The following APOOL variants were observed in gnomAD, a reference collection of about 807,000 sequenced individuals.
APOOL encodes apolipoprotein O like.
A neutral mutation model predicts 23.1 loss-of-function variants in APOOL; 12 were observed. The observed-to-expected ratio is 0.52, with a 90% CI of 0.33 to 0.84. The LOEUF (loss-of-function observed/expected upper bound fraction) is 0.84, where lower values mean the gene tolerates loss of function less well. Ranked by LOEUF, APOOL falls within the 40% of genes least tolerant of loss-of-function variation. The pLI is 0.02. For synonymous variants in APOOL, 77 were observed against 69.9 expected (o/e 1.10, Z -0.51); for missense variants, 212 against 199.6 (o/e 1.06, Z -0.37).
chrX:85,080,988 C>G (rs1924074681), intron 8 of APOOL, among the ~76,000 whole-genome samples: 1 of 111,098 alleles, frequency 9.0e-6, no homozygotes, highest in Admixed American at 9.6e-5. Flanking sequence ...ATGTGTGTCT[C>G]TGCATGTGAG....
intron 1 of APOOL, among the ~76,000 whole-genome samples, chrX:85,031,356 C>A (rs964800651): frequency 9.0e-6 from 1 of 110,975 alleles, no homozygotes; most frequent in Non-Finnish European, 1.9e-5. Context: ...GTTTTAAGGT[C>A]CTTAGTCGTG....
chrX:85,068,982 T>C (rs189181376), intron 6 of APOOL, among the ~76,000 whole-genome samples: 1 of 111,480 alleles, frequency 9.0e-6, no homozygotes, highest in Non-Finnish European at 1.9e-5. Flanking sequence ...AAATAAAGTA[T>C]TAAACTGAAT....
intron 5 of APOOL, among the ~76,000 whole-genome samples, chrX:85,059,454 C>T (rs1360488945): frequency 3.6e-5 from 4 of 110,630 alleles, no homozygotes; most frequent in Admixed American, 1.9e-4. Context: ...AATCGCCACA[C>T]TGACTTCCAC....
chrX:85,077,989 A>G (rs1923926046), intron 8 of APOOL, among the ~76,000 whole-genome samples: 1 of 110,873 alleles, frequency 9.0e-6, no homozygotes, highest in African/African-American at 3.3e-5. Context: ...CTGGATATTA[A>G]CCCTTTGTCA....
At chrX:85,033,214 G>T (rs1922102849) in intron 1 of APOOL, among the ~76,000 whole-genome samples, 1 of 112,081 alleles carries the variant, frequency 8.9e-6, no homozygotes, top group African/African-American at 3.2e-5. Context: ...TGGTATTTGT[G>T]TTCTTTACTT....
At chrX:85,061,174 G>A (rs1006356707) in intron 5 of APOOL, among the ~76,000 whole-genome samples, 9 of 111,358 alleles carry the variant, frequency 8.1e-5, no homozygotes, top group South Asian at 7.7e-4. Context: ...TTTGTATGCC[G>A]GATTACATTT....
At chrX:85,059,761 G>C (rs1378708202) in intron 5 of APOOL, among the ~76,000 whole-genome samples, 1 of 111,222 alleles carries the variant, frequency 9.0e-6, no homozygotes, top group African/African-American at 3.3e-5. Context: ...TGAGTTCATT[G>C]TAGAGTCTGG....
chrX:85,083,968 A>C (rs2147669378), intron 8 of APOOL, among the ~76,000 whole-genome samples: 1 of 111,107 alleles, frequency 9.0e-6, no homozygotes, highest in East Asian at 2.8e-4. Context: ...CAAACGTATA[A>C]AATTGCAAAG....
intron 1 of APOOL, among the ~76,000 whole-genome samples, chrX:85,043,839 G>A (rs1446469867): frequency 8.0e-5 from 9 of 112,014 alleles, no homozygotes; most frequent in Non-Finnish European, 1.3e-4. Flanking sequence ...AATAAGCAGA[G>A]CCACTTAATT....
In APOOL at chrX:85,074,081, G is replaced by T. The variant is rs778942613; in HGVS notation, c.570G>T (p.Glu190Asp). 4.2e-5 allele frequency: 49 copies of T among 1,166,856 alleles called. No individual in the cohort carries two copies. The highest frequency in any genetic ancestry group is 5.3e-5 in the Non-Finnish European group (46 of 873,293). ...KSLWTKSSKE[E>D]SLPKPKEKTK... is the part of the protein sequence containing the mutation. ...TGTGGACAAAAAGCAGCAAAGAAGAGTCACTCCCTAAACCTAAAGAAAAAA... is the reference window on the plus strand; with the variant it reads ...TGTGGACAAAAAGCAGCAAAGAAGATTCACTCCCTAAACCTAAAGAAAAAA... Residue 190 changes from glutamate to aspartate, a missense_variant, in exon 7 of 9, where the codon GAG becomes GAT. By Grantham distance (45) the Glu-to-Asp change is conservative. Transcript: ENST00000373173.
intron 5 of APOOL, among the ~76,000 whole-genome samples, chrX:85,064,341 T>C (rs887179458): frequency 2.3e-5 from 2 of 85,272 alleles, no homozygotes; most frequent in African/African-American, 1.3e-4. Context: ...AGCTCCTGGA[T>C]TTTTTTTTTT....
chrX:85,043,371 T>C (rs1159779259), intron 1 of APOOL, among the ~76,000 whole-genome samples: 1 of 108,090 alleles, frequency 9.3e-6, no homozygotes, highest in Non-Finnish European at 1.9e-5. Flanking sequence ...TAATAACTTT[T>C]TGAATATCTT....
chrX:85,015,461 A>G (rs1921433321), intron 1 of APOOL, among the ~76,000 whole-genome samples: 1 of 108,342 alleles, frequency 9.2e-6, no homozygotes, highest in African/African-American at 3.3e-5. Flanking sequence ...CTATTTCTTA[A>G]AATTGTTCTT....
rs768238031 is a variant in APOOL, at chrX:85,092,413, A to C, written c.*4735A>C. On this transcript the variant is annotated 3_prime_UTR_variant, in exon 9 of 9. Coordinates refer to ENST00000373173, the MANE Select transcript of APOOL (RefSeq NM_198450.6). The stretch of plus-strand genomic sequence containing the variant: ...CTTTCATTCTTCCCATGCCATGTCC[A>C]GGAGTTCTTCTCTGTTAAACCTGAA... 1 of 1,176,901 alleles carries C rather than the reference A, an allele frequency of 8.5e-7. No homozygotes were observed. The highest frequency in any genetic ancestry group is 1.1e-6 in the Non-Finnish European group (1 of 878,691).
At chrX:85,061,848 A>AT (rs1353546323) in intron 5 of APOOL, among the ~76,000 whole-genome samples, 6 of 111,305 alleles carry the variant, frequency 5.4e-5, no homozygotes, top group African/African-American at 9.8e-5. Flanking sequence ...GGATTCATTG[A>AT]TTTTTTGAAG....
At chrX:85,020,225 C>T (rs1297575445) in intron 1 of APOOL, among the ~76,000 whole-genome samples, 1 of 111,681 alleles carries the variant, frequency 9.0e-6, no homozygotes, top group Non-Finnish European at 1.9e-5. Flanking sequence ...ATTCGAAGAT[C>T]CCTCCATATA....
At chrX:85,080,909 T>C (rs1924069333) in intron 8 of APOOL, among the ~76,000 whole-genome samples, 1 of 111,272 alleles carries the variant, frequency 9.0e-6, no homozygotes, top group Admixed American at 9.6e-5. Context: ...AGACTAGGAT[T>C]GCAACCCCTG....
Position 85,044,230 on chromosome X carries a change from C to T in APOOL, c.16-2216C>T, listed in dbSNP as rs186087350. 2.4e-4 allele frequency among the ~76,000 whole-genome samples: 26 copies of T among 107,717 alleles called. 1 individual carries two copies. In the East Asian group the frequency reaches 7.3e-3, roughly 30 times the overall value. The allele number at this position is 107,717 out of a possible 115,157, so 93.5% of individuals were successfully genotyped here. On this transcript the variant is annotated intron_variant, in intron 1 of 8. Transcript: ENST00000373173. ...TGATTCAAGTTTAGACAGTAAGTTC[C>T]GTGTAACTCCTAAGCTCATATTTAT...
rs754034691 is a variant in APOOL, at chrX:85,004,261, AAT to A, written c.15+344_15+345del. Among the ~76,000 whole-genome samples, 641 of 111,489 alleles carry A rather than the reference AAT, an allele frequency of 5.7e-3. 5 individuals carry two copies. The highest frequency in any genetic ancestry group is 0.02 in the African/African-American group (604 of 30,660). Reference sequence around the variant, plus strand: ...GGTCTTCAGCTGCAATAAAGAGAAAAATATATATATAAACTTGGCATTTGTCT... The same window carrying A: ...GGTCTTCAGCTGCAATAAAGAGAAAAATATATATAAACTTGGCATTTGTCT... On this transcript the variant is annotated intron_variant, in intron 1 of 8. Coordinates refer to ENST00000373173, the MANE Select transcript of APOOL (RefSeq NM_198450.6).
Sources: gnomAD v4.1 joint callset for allele counts (sites outside exome capture counted in the v4.1 genomes callset) on GRCh38, gnomAD v4.1.1 for gene constraint, MANE v1.5 for transcripts, NCBI Gene and HGNC (gene_info 2026-07-23, HGNC 2026-07-21) for gene names.